The following RPH3A variants were observed in gnomAD, a reference collection of about 807,000 sequenced individuals.
RPH3A encodes the protein rabphilin 3A.
RPH3A carries 48 observed loss-of-function variants against 102.2 expected under a neutral mutation model. That is an observed-to-expected ratio of 0.47 (90% confidence interval 0.37 to 0.60). The LOEUF is 0.60. RPH3A is among the 20% of genes least tolerant of loss of function. The probability of loss-of-function intolerance (pLI) is 0.00; values close to 1 mark genes in which losing one functional copy is unlikely to be tolerated. For synonymous variants in RPH3A, 310 were observed against 324.3 expected, an observed-to-expected ratio of 0.96 and a Z score of 0.47; for missense variants, 781 against 910.1, an observed-to-expected ratio of 0.86 and a Z score of 1.83.
chr12:112,896,849 C>T lies in RPH3A; in HGVS notation c.*69C>T, dbSNP rs1470590944. On this transcript the variant is annotated 3_prime_UTR_variant, in exon 22 of 22. Coordinates refer to ENST00000389385, the MANE Select transcript of RPH3A (RefSeq NM_001143854.2). ...GCCTGCTCTAGCTGCCCACCGCACCCTGATCTCTCTTCTCTATGCCTACCT... is the reference window on the plus strand; with the variant it reads ...GCCTGCTCTAGCTGCCCACCGCACCTTGATCTCTCTTCTCTATGCCTACCT... 4.4e-6 allele frequency: 7 copies of T among 1,573,690 alleles called. No individual in the cohort carries two copies. Among genetic ancestry groups the T allele is most frequent in the Non-Finnish European group, 6.1e-6 (7 of 1,150,336 alleles).
chr12:112,784,604 A>G (rs1372656735), intron 1 of RPH3A, among the ~76,000 whole-genome samples: 1 of 152,182 alleles, frequency 6.6e-6, no homozygotes, highest in Non-Finnish European at 1.5e-5. Flanking sequence ...TTCGACATTG[A>G]CCAGGCATCA....
intron 1 of RPH3A, among the ~76,000 whole-genome samples, chr12:112,634,845 C>T (rs1292021012): frequency 1.3e-5 from 2 of 152,196 alleles, no homozygotes; most frequent in South Asian, 2.1e-4. Context: ...GCTCCAATCC[C>T]TGTCTTTAGC....
chr12:112,616,239 C>T (rs571318329), intron 1 of RPH3A, among the ~76,000 whole-genome samples: 3 of 152,286 alleles, frequency 2.0e-5, no homozygotes, highest in South Asian at 2.1e-4. Context: ...CTCCGCCTCC[C>T]GGGTTCAAGC....
rs546084568 is a variant in RPH3A, at chr12:112,687,963, G to A, written c.-139-104180G>A. Among the ~76,000 whole-genome samples the A allele has an allele frequency of 1.4e-4, 22 of 152,238 alleles. 1 individual carries two copies. The South Asian group carries it at 4.4e-3, about 30-fold the overall frequency. ...TTCCAGCTTCAACAATCATGCTGTG[G>A]TCTACCCCCAAGGCCCAAAAGGACA... On this transcript the variant is annotated intron_variant, in intron 1 of 21. Coordinates refer to the RPH3A transcript ENST00000543106.
At chr12:112,587,440 G>A (rs896312416) in intron 1 of RPH3A, among the ~76,000 whole-genome samples, 3 of 152,206 alleles carry the variant, frequency 2.0e-5, no homozygotes, top group African/African-American at 7.2e-5. Flanking sequence ...TGAGCTATGT[G>A]ATCTTGGATA....
At chr12:112,854,017 A>C (rs1484729796) in intron 5 of RPH3A, among the ~76,000 whole-genome samples, 2 of 152,170 alleles carry the variant, frequency 1.3e-5, no homozygotes, top group Non-Finnish European at 2.9e-5. Context: ...CATCTGTAAA[A>C]TGGGAAGTTG....
At chr12:112,795,561 G>C (rs183524354) in intron 2 of RPH3A, among the ~76,000 whole-genome samples, 1 of 152,172 alleles carries the variant, frequency 6.6e-6, no homozygotes. Flanking sequence ...GGGGCGGTCA[G>C]ATCTTAGTTC....
chr12:112,658,256 A>G (rs1016335929), intron 1 of RPH3A, among the ~76,000 whole-genome samples: 1 of 152,084 alleles, frequency 6.6e-6, no homozygotes, highest in Non-Finnish European at 1.5e-5. Flanking sequence ...GGACCACTGC[A>G]ACCTCCACCT....
chr12:112,668,785 T>TA (rs1208797942), intron 1 of RPH3A, among the ~76,000 whole-genome samples: 1 of 151,950 alleles, frequency 6.6e-6, no homozygotes, highest in African/African-American at 2.4e-5. Flanking sequence ...GTAACAAACC[T>TA]ACATGTTCAG....
At position 112,589,480 on chromosome 12, in the gene RPH3A, C is replaced by T. The variant is rs569598501; in HGVS notation, c.-140+14161C>T. 9.9e-5 allele frequency among the ~76,000 whole-genome samples: 15 copies of T among 152,284 alleles called. No individual in the cohort carries two copies. The South Asian group carries it at 2.3e-3, about 23-fold the overall frequency. On this transcript the variant is annotated intron_variant, in intron 1 of 21. Coordinates refer to the RPH3A transcript ENST00000543106. ...CATGTCCTGCCTCAGGACCTTTGCA[C>T]TGGCTGTTCCCTCAGCCTGGAATGC...
intron 1 of RPH3A, among the ~76,000 whole-genome samples, chr12:112,721,639 A>ATT (rs61408179): frequency 1.2e-3 from 176 of 144,596 alleles, no homozygotes; most frequent in South Asian, 2.2e-3. Context: ...TAGAAAATGG[A>ATT]TTTTTTTTTT....
At chr12:112,672,842 C>T (rs1050756571) in intron 1 of RPH3A, among the ~76,000 whole-genome samples, 5 of 152,162 alleles carry the variant, frequency 3.3e-5, no homozygotes, top group Admixed American at 6.5e-5. Flanking sequence ...GGCCTCCCAG[C>T]GCAGGTGCAT....
intron 1 of RPH3A, among the ~76,000 whole-genome samples, chr12:112,764,369 G>T (rs1327297928): frequency 6.6e-6 from 1 of 152,184 alleles, no homozygotes; most frequent in East Asian, 1.9e-4. Context: ...ACTAGCAAAG[G>T]TGGTCTTGTT....
At chr12:112,817,773 AT>A (rs1202955155) in intron 2 of RPH3A, among the ~76,000 whole-genome samples, 1 of 152,176 alleles carries the variant, frequency 6.6e-6, no homozygotes, top group Non-Finnish European at 1.5e-5. Flanking sequence ...GTGGGGATGT[AT>A]TAGAAACACT....
chr12:112,816,761 C>T (rs114660312), intron 2 of RPH3A, among the ~76,000 whole-genome samples: 2,193 of 152,180 alleles, frequency 0.014, 63 homozygotes, highest in African/African-American at 0.05. Flanking sequence ...TGTTTTCCTC[C>T]ATGTACTTAC....
intron 1 of RPH3A, among the ~76,000 whole-genome samples, chr12:112,584,569 T>G (rs1484381633): frequency 2.0e-5 from 3 of 152,172 alleles, no homozygotes; most frequent in Admixed American, 6.5e-5. Context: ...GTGGGGCACC[T>G]CAGGCGTCAT....
At chr12:112,831,613 C>T in intron 3 of RPH3A, 3 of 257,806 alleles carry the variant, frequency 1.2e-5, no homozygotes, top group East Asian at 1.1e-4. Flanking sequence ...TCAAATCTTC[C>T]TGAATCTTGG....
At chr12:112,822,603 A>G (rs2041800774) in intron 2 of RPH3A, among the ~76,000 whole-genome samples, 1 of 151,614 alleles carries the variant, frequency 6.6e-6, no homozygotes, top group Admixed American at 6.5e-5. Flanking sequence ...GTTAGGACAG[A>G]GTCTTTGTAG....
At chr12:112,801,915 C>T (rs185985115) in intron 2 of RPH3A, among the ~76,000 whole-genome samples, 2 of 152,302 alleles carry the variant, frequency 1.3e-5, no homozygotes, top group East Asian at 3.9e-4. Flanking sequence ...CTTTTCCACT[C>T]AGCAGTATGT....
Sources: gnomAD v4.1 joint callset for allele counts (sites outside exome capture counted in the v4.1 genomes callset) on GRCh38, gnomAD v4.1.1 for gene constraint, MANE v1.5 for transcripts, NCBI Gene and HGNC (gene_info 2026-07-23, HGNC 2026-07-21) for gene names.